The following CADM2 variants were observed in gnomAD, a reference collection of about 807,000 sequenced individuals.
CADM2 encodes immunoglobulin superfamily member 4D.
CADM2 carries 12 observed loss-of-function variants against 49.8 expected under a neutral mutation model. The observed-to-expected ratio is 0.24, with a 90% CI of 0.15 to 0.39. The LOEUF is 0.39. Among genes scored for constraint, CADM2 ranks in the 10% least tolerant of loss-of-function variants. The pLI, the probability that CADM2 is intolerant of heterozygous loss-of-function variation, is 1.00. For synonymous variants in CADM2, 214 were observed against 175.4 expected, an observed-to-expected ratio of 1.22 and a Z score of -1.74; for missense variants, 378 against 492.3, an observed-to-expected ratio of 0.77 and a Z score of 2.20.
chr3:85,568,612 C>CT lies in CADM2; in HGVS notation c.62-157895dup, dbSNP rs1234630468. 2.7e-3 allele frequency among the ~76,000 whole-genome samples: 302 copies of CT among 111,056 alleles called. 3 individuals carry two copies. Among genetic ancestry groups the CT allele is most frequent in the African/African-American group, 8.6e-3 (228 of 26,646 alleles). The allele number at this position is 111,056 out of a possible 152,430, so 72.9% of individuals were successfully genotyped here. On this transcript the variant is annotated intron_variant, in intron 1 of 9. Coordinates refer to ENST00000383699, the MANE Select transcript of CADM2 (RefSeq NM_001167675.2). ...TTTCCTTCTTTTCTTTCCTCTCTTT[C>CT]TTTTTTTTTTTTTTTACAGTCTGTC...
intron 1 of CADM2, among the ~76,000 whole-genome samples, chr3:85,051,576 A>G (rs568904035): frequency 6.6e-6 from 1 of 152,232 alleles, no homozygotes; most frequent in African/African-American, 2.4e-5. Flanking sequence ...TAAGAAGACT[A>G]CTAATGGTGG....
chr3:85,858,515 A>G (rs557018253), intron 3 of CADM2, among the ~76,000 whole-genome samples: 1 of 152,340 alleles, frequency 6.6e-6, no homozygotes, highest in Non-Finnish European at 1.5e-5. Context: ...GGAAAAAAGA[A>G]AATGAGAAAA....
At chr3:85,643,787 T>A (rs1327127264) in intron 1 of CADM2, among the ~76,000 whole-genome samples, 4 of 152,138 alleles carry the variant, frequency 2.6e-5, no homozygotes. Context: ...TATTTTAAGT[T>A]TTTAAGGATT....
At chr3:85,303,587 C>T (rs1315739295) in intron 1 of CADM2, among the ~76,000 whole-genome samples, 2 of 151,876 alleles carry the variant, frequency 1.3e-5, no homozygotes, top group Non-Finnish European at 2.9e-5. Flanking sequence ...ATGTAAAATG[C>T]TTTCTGCCTG....
chr3:85,863,019 C>G (rs2075594513), intron 3 of CADM2, among the ~76,000 whole-genome samples: 1 of 152,046 alleles, frequency 6.6e-6, no homozygotes, highest in Non-Finnish European at 1.5e-5. Flanking sequence ...TTCTGAACTG[C>G]TTATTAGGTA....
At position 85,519,084 on chromosome 3, in the gene CADM2, A is replaced by G. The variant is rs571422419; in HGVS notation, c.62-207438A>G. 1.9e-3 allele frequency among the ~76,000 whole-genome samples: 294 copies of G among 152,208 alleles called. 3 individuals carry two copies. The highest frequency in any genetic ancestry group is 6.7e-3 in the African/African-American group (278 of 41,552). ...TAGTATAATGTAAATAATTATAAAT[A>G]TATGTATAATAGAGCATTACACAAA... On this transcript the variant is annotated intron_variant, in intron 1 of 9. Transcript: ENST00000383699.
chr3:85,442,157 A>C (rs2037231957), intron 1 of CADM2, among the ~76,000 whole-genome samples: 1 of 152,028 alleles, frequency 6.6e-6, no homozygotes. Flanking sequence ...CATAAAAGAA[A>C]CCATGTTAGT....
chr3:85,375,982 A>T (rs982908811), intron 1 of CADM2, among the ~76,000 whole-genome samples: 1 of 152,144 alleles, frequency 6.6e-6, no homozygotes, highest in Non-Finnish European at 1.5e-5. Context: ...CTGGATACAT[A>T]TGATCAGTTT....
intron 1 of CADM2, among the ~76,000 whole-genome samples, chr3:85,533,062 A>G (rs942150422): frequency 6.6e-6 from 1 of 152,154 alleles, no homozygotes; most frequent in Non-Finnish European, 1.5e-5. Context: ...ACAAGACTTA[A>G]TACTTGGGTG....
At chr3:85,435,739 G>C (rs2036897065) in intron 1 of CADM2, among the ~76,000 whole-genome samples, 1 of 152,070 alleles carries the variant, frequency 6.6e-6, no homozygotes, top group African/African-American at 2.4e-5. Flanking sequence ...TCTCATTGTG[G>C]TTTTGATTTG....
chr3:86,058,346 C>A (rs1170710443), intron 8 of CADM2, among the ~76,000 whole-genome samples: 1 of 151,394 alleles, frequency 6.6e-6, no homozygotes, highest in Non-Finnish European at 1.5e-5. Context: ...TTTTTTTCCT[C>A]ATAAAACTAA....
At chr3:85,201,760 T>G (rs1476245091) in intron 1 of CADM2, among the ~76,000 whole-genome samples, 2 of 152,124 alleles carry the variant, frequency 1.3e-5, no homozygotes, top group East Asian at 3.9e-4. Context: ...TCCATCTCCA[T>G]AAACCACTTT....
At chr3:85,731,108 T>A (rs1354674523) in intron 2 of CADM2, among the ~76,000 whole-genome samples, 1 of 152,136 alleles carries the variant, frequency 6.6e-6, no homozygotes, top group Non-Finnish European at 1.5e-5. Context: ...GATTTATTCA[T>A]AGGAGAATAT....
intron 6 of CADM2, among the ~76,000 whole-genome samples, chr3:85,928,708 T>G (rs1285351060): frequency 6.6e-6 from 1 of 152,176 alleles, no homozygotes; most frequent in Non-Finnish European, 1.5e-5. Flanking sequence ...TACTGAAAAA[T>G]TATTTGTTAA....
chr3:85,769,743 T>A (rs967145190), intron 2 of CADM2, among the ~76,000 whole-genome samples: 14 of 149,874 alleles, frequency 9.3e-5, no homozygotes, highest in Admixed American at 5.4e-4. Flanking sequence ...ATTAAAAACT[T>A]CCTCTACTTC....
intron 1 of CADM2, among the ~76,000 whole-genome samples, chr3:85,644,478 C>G (rs963089097): frequency 6.6e-6 from 1 of 152,068 alleles, no homozygotes; most frequent in African/African-American, 2.4e-5. Context: ...CTATACAAAA[C>G]AAACTTAATA....
In CADM2 at chr3:85,784,936, T is replaced by G. The variant is rs554119284; in HGVS notation, c.89-17111T>G. Among the ~76,000 whole-genome samples, 15 of 152,320 alleles carry G rather than the reference T, an allele frequency of 9.8e-5. No homozygotes were observed. In the East Asian group the frequency reaches 2.9e-3, roughly 29 times the overall value. ...TCTGGGTTTTTCTTCTACAGGAGAC[T>G]TTTTATTGAGGCTTCTATCTTGTTA... On this transcript the variant is annotated intron_variant, in intron 2 of 9. Coordinates refer to ENST00000383699, the MANE Select transcript of CADM2 (RefSeq NM_001167675.2).
chr3:85,367,441 T>A (rs1432853750), intron 1 of CADM2, among the ~76,000 whole-genome samples: 1 of 151,786 alleles, frequency 6.6e-6, no homozygotes, highest in African/African-American at 2.4e-5. Context: ...TATTAAGACA[T>A]TATTTTGCAA....
chr3:85,766,983 G>T lies in CADM2; in HGVS notation c.89-35064G>T, dbSNP rs529208587. Among the ~76,000 whole-genome samples, 11 of 151,842 alleles carry T rather than the reference G, an allele frequency of 7.2e-5. No individual in the cohort carries two copies. In the South Asian group the frequency reaches 1.7e-3, roughly 23 times the overall value. ...TGTCATAGATTAGCAGCTCCCACAGGGTATGAAACAACAAATTGACTCAAT... is the reference window on the plus strand; with the variant it reads ...TGTCATAGATTAGCAGCTCCCACAGTGTATGAAACAACAAATTGACTCAAT... On this transcript the variant is annotated intron_variant, in intron 2 of 9. Coordinates refer to ENST00000383699, the MANE Select transcript of CADM2 (RefSeq NM_001167675.2).
Sources: allele counts gnomAD v4.1 joint callset (sites outside exome capture counted in the v4.1 genomes callset), GRCh38; gene constraint gnomAD v4.1.1; transcripts MANE v1.5; gene names NCBI Gene and HGNC (gene_info 2026-07-23, HGNC 2026-07-21).